The following PCCB variants were observed in gnomAD, a reference collection of about 807,000 sequenced individuals.
PCCB encodes the protein propionyl-CoA carboxylase subunit beta.
In PCCB, 43 loss-of-function variants were observed where a neutral mutation model predicts 60.7. The observed-to-expected ratio is 0.71, with a 90% CI of 0.55 to 0.91. The LOEUF (loss-of-function observed/expected upper bound fraction) is 0.91, where lower values mean the gene tolerates loss of function less well. Ranked by LOEUF, PCCB falls within the 40% of genes least tolerant of loss-of-function variation. PCCB has a pLI of 0.00. For missense variants in PCCB, 766 were observed against 702.8 expected (o/e 1.09, Z -1.02); for synonymous variants, 276 against 255.9 (o/e 1.08, Z -0.75).
At chr3:136,293,588 G>A (rs1933798433) in intron 6 of PCCB, among the ~76,000 whole-genome samples, 168 bp from the exon 7 acceptor site, 1 of 152,204 alleles carries the variant, frequency 6.6e-6, no homozygotes, top group Non-Finnish European at 1.5e-5. Flanking sequence ...CAATAAGGCA[G>A]GGAAAACTTG....
At chr3:136,325,258 T>TAAGCAGTCCTCCACTTTGGCCTC in intron 10 of PCCB, among the ~76,000 whole-genome samples, 1 of 152,152 alleles carries the variant, frequency 6.6e-6, no homozygotes, top group Non-Finnish European at 1.5e-5. Flanking sequence ...CTCCTGGGCT[T>TAAGCAGTCCTCCACTTTGGCCTC]AAGCAGTCCT....
Position 136,250,571 on chromosome 3 carries a change from G to A in PCCB, c.183+13G>A. 2 of 1,602,722 alleles carry A rather than the reference G, an allele frequency of 1.2e-6. No individual in the cohort carries two copies. The highest frequency in any genetic ancestry group is 8.5e-7 in the Non-Finnish European group (1 of 1,173,530). ...GCAGCACAAGCGAGTGAGTCCTGAG[G>A]GGCCTAAGTGAGTCCCGCCCCTGGC... On this transcript the variant is annotated intron_variant, in intron 1 of 14. Coordinates refer to ENST00000251654, the MANE Select transcript of PCCB (RefSeq NM_000532.5).
chr3:136,251,305 T>C (rs1244484434), intron 1 of PCCB: 1 of 456,658 alleles, frequency 2.2e-6, no homozygotes, highest in East Asian at 7.0e-5. Flanking sequence ...GATCCCTGAC[T>C]TGAAACCAGG....
chr3:136,285,447 C>G (rs1187623781), intron 6 of PCCB, among the ~76,000 whole-genome samples: 2 of 152,150 alleles, frequency 1.3e-5, no homozygotes, highest in Non-Finnish European at 2.9e-5. Flanking sequence ...AAAACAAAAA[C>G]TGTCCTCTAG....
chr3:136,275,863 C>T (rs6807002), intron 5 of PCCB, among the ~76,000 whole-genome samples: 1,770 of 152,204 alleles, frequency 0.012, 21 homozygotes, highest in African/African-American at 0.041. Flanking sequence ...CTCCACTTCC[C>T]GGGTTCAAGT....
intron 3 of PCCB, chr3:136,259,088 C>G: frequency 2.3e-6 from 3 of 1,298,432 alleles, no homozygotes; most frequent in African/African-American, 3.0e-5. Flanking sequence ...ACAATAAGCC[C>G]TTTACATCTG....
chr3:136,252,245 G>T (rs909574931), intron 1 of PCCB: 8 of 454,716 alleles, frequency 1.8e-5, no homozygotes, highest in Non-Finnish European at 3.5e-5. Context: ...GGAATTAGTG[G>T]GTCAAAGGGT....
intron 3 of PCCB, among the ~76,000 whole-genome samples, chr3:136,259,820 T>G (rs1941772634): frequency 6.6e-6 from 1 of 152,092 alleles, no homozygotes. Flanking sequence ...TGGAGCAATC[T>G]CTGCCCACTG....
At chr3:136,311,014 G>A (rs1934642053) in intron 9 of PCCB, among the ~76,000 whole-genome samples, 1 of 152,144 alleles carries the variant, frequency 6.6e-6, no homozygotes, top group African/African-American at 2.4e-5. Context: ...TTAGGAACAA[G>A]TATAGGATGC....
chr3:136,300,673 C>T (rs1934234431), intron 8 of PCCB, among the ~76,000 whole-genome samples: 2 of 152,134 alleles, frequency 1.3e-5, no homozygotes, highest in African/African-American at 2.4e-5. Flanking sequence ...GGAAGTTGGG[C>T]TGGGCTCTCC....
chr3:136,271,900 G>A (rs889336055), intron 5 of PCCB, among the ~76,000 whole-genome samples: 4 of 152,064 alleles, frequency 2.6e-5, no homozygotes, highest in African/African-American at 9.7e-5. Context: ...GTACTATGTT[G>A]AATAGAAGTG....
intron 6 of PCCB, among the ~76,000 whole-genome samples, chr3:136,289,877 C>G (rs929715226): frequency 4.6e-5 from 7 of 150,714 alleles, no homozygotes; most frequent in African/African-American, 1.5e-4. Flanking sequence ...CACTTTTCTG[C>G]TTCCCAGGTT....
intron 9 of PCCB, among the ~76,000 whole-genome samples, chr3:136,314,688 CAAA>C (rs959605474): frequency 2.0e-5 from 3 of 151,862 alleles, no homozygotes; most frequent in Non-Finnish European, 2.9e-5. Context: ...AAAAACAAAA[CAAA>C]AAAACTCACC....
intron 5 of PCCB, among the ~76,000 whole-genome samples, chr3:136,273,618 T>C (rs1374765519): frequency 6.9e-6 from 1 of 145,142 alleles, no homozygotes; most frequent in African/African-American, 2.5e-5. Flanking sequence ...TTTTTTTTTT[T>C]TACTGTTGTT....
intron 5 of PCCB, among the ~76,000 whole-genome samples, chr3:136,268,084 G>GTATATA (rs1296672355): frequency 3.3e-5 from 2 of 60,940 alleles, no homozygotes; most frequent in Admixed American, 1.7e-4. Context: ...GTGTGTGTGT[G>GTATATA]TAGATATATA....
At chr3:136,289,519 A>T (rs147470163) in intron 6 of PCCB, among the ~76,000 whole-genome samples, 1,719 of 152,020 alleles carry the variant, frequency 0.011, 29 homozygotes, top group East Asian at 0.047. Flanking sequence ...TTTAATCTTT[A>T]TGTCTATTTC....
intron 1 of PCCB, among the ~76,000 whole-genome samples, chr3:136,254,252 C>T (rs1941604172): frequency 2.7e-5 from 4 of 150,922 alleles, no homozygotes; most frequent in Admixed American, 2.6e-4. Flanking sequence ...AGTGTCTCAC[C>T]CTGTCACCCA....
At chr3:136,319,439 C>T (rs866367813) in intron 10 of PCCB, among the ~76,000 whole-genome samples, 21 of 151,308 alleles carry the variant, frequency 1.4e-4, no homozygotes, top group Non-Finnish European at 2.4e-4. Context: ...GTCTCCAGCC[C>T]GGGCTGGAGT....
chr3:136,301,324 G>A (rs1014339338), intron 9 of PCCB, among the ~76,000 whole-genome samples: 2 of 152,152 alleles, frequency 1.3e-5, no homozygotes, highest in African/African-American at 4.8e-5. Context: ...ATGGACTTGA[G>A]GGCTGGAGAT....
Sources: allele counts gnomAD v4.1 joint callset (sites outside exome capture counted in the v4.1 genomes callset), GRCh38; gene constraint gnomAD v4.1.1; transcripts MANE v1.5; gene names NCBI Gene and HGNC (gene_info 2026-07-23, HGNC 2026-07-21).